Variants in PRORP observed in about 807,000 individuals in gnomAD.
PRORP encodes mitochondrial ribonuclease P catalytic subunit.
In PRORP, 51 loss-of-function variants were observed where a neutral mutation model predicts 59.4. The ratio of observed to expected loss-of-function variants is 0.86; its 90% confidence interval spans 0.69 to 1.08. PRORP has a LOEUF of 1.08. Ranked by LOEUF, PRORP falls within the 50% of genes least tolerant of loss-of-function variation. PRORP has a pLI of 0.00. For missense variants in PRORP, 646 were observed against 690.3 expected, an observed-to-expected ratio of 0.94 and a Z score of 0.72; for synonymous variants, 231 against 245.6, an observed-to-expected ratio of 0.94 and a Z score of 0.55.
At chr14:35,208,161 A>C (rs1452559078) in intron 5 of PRORP, among the ~76,000 whole-genome samples, 1 of 152,132 alleles carries the variant, frequency 6.6e-6, no homozygotes, top group Non-Finnish European at 1.5e-5. Flanking sequence ...AAAAAAAAAA[A>C]AGACTATAGT....
chr14:35,243,957 C>T (rs1021079482), intron 5 of PRORP, among the ~76,000 whole-genome samples: 5 of 152,072 alleles, frequency 3.3e-5, no homozygotes, highest in Non-Finnish European at 7.4e-5. Context: ...AATTTATATA[C>T]CTGAAAAAAA....
chr14:35,248,134 C>G (rs144800273), intron 5 of PRORP, among the ~76,000 whole-genome samples: 249 of 152,258 alleles, frequency 1.6e-3, no homozygotes, highest in Admixed American at 2.2e-3. Flanking sequence ...CCCTAAAATA[C>G]CAAAGACTGA....
intron 5 of PRORP, among the ~76,000 whole-genome samples, chr14:35,184,154 C>T (rs1013543542): frequency 5.1e-5 from 7 of 136,506 alleles, no homozygotes; most frequent in African/African-American, 1.8e-4. Flanking sequence ...TCTGTAAGTT[C>T]ATTAATGAGA....
chr14:35,262,735 G>A (rs1405807896), intron 5 of PRORP: 2 of 911,418 alleles, frequency 2.2e-6, no homozygotes, highest in East Asian at 4.8e-5. Context: ...TACAGGATGA[G>A]GTCTGTGTAT....
intron 5 of PRORP, among the ~76,000 whole-genome samples, chr14:35,237,062 C>T (rs146936726): frequency 7.1e-6 from 1 of 141,746 alleles, no homozygotes; most frequent in East Asian, 2.0e-4. Context: ...CCTTCCCTTC[C>T]TTCCTTTCCT....
At chr14:35,269,931 A>G (rs550360927) in intron 6 of PRORP, among the ~76,000 whole-genome samples, 1 of 152,200 alleles carries the variant, frequency 6.6e-6, no homozygotes, top group Non-Finnish European at 1.5e-5. Flanking sequence ...ACTGTCTAGA[A>G]GCTGCTCTGA....
intron 5 of PRORP, among the ~76,000 whole-genome samples, chr14:35,197,148 A>G (rs2049028642): frequency 6.6e-6 from 1 of 152,224 alleles, no homozygotes; most frequent in South Asian, 2.1e-4. Context: ...CCTAATAGCA[A>G]GTTGATTTCC....
chr14:35,186,088 C>T (rs1257242308), intron 5 of PRORP, among the ~76,000 whole-genome samples: 2 of 151,756 alleles, frequency 1.3e-5, no homozygotes, highest in Admixed American at 6.6e-5. Context: ...GCTCAAGACA[C>T]CCCCCAACCT....
chr14:35,125,798 G>T (rs902199922), intron 2 of PRORP, among the ~76,000 whole-genome samples: 1 of 152,172 alleles, frequency 6.6e-6, no homozygotes, highest in African/African-American at 2.4e-5. Flanking sequence ...GAGGTGGGAG[G>T]ATAGCTTGAG....
intron 5 of PRORP, among the ~76,000 whole-genome samples, chr14:35,208,383 C>T (rs74695182): frequency 1.6e-4 from 24 of 152,054 alleles, no homozygotes; most frequent in East Asian, 1.5e-3. Flanking sequence ...CAAGGCCTGA[C>T]GGGGCAGACT....
At chr14:35,143,934 C>G (rs1157285261) in intron 4 of PRORP, 1 of 145,502 alleles carries the variant, frequency 6.9e-6, no homozygotes, top group African/African-American at 2.4e-5. Flanking sequence ...AGGCGTGAGT[C>G]ACCGCGCCCG....
chr14:35,128,364 A>G (rs1158663461), intron 4 of PRORP, among the ~76,000 whole-genome samples: 2 of 150,276 alleles, frequency 1.3e-5, no homozygotes, highest in Non-Finnish European at 3.0e-5. Context: ...TCATGGAATG[A>G]GTTTGGAAGT....
chr14:35,155,777 C>T (rs748328368), intron 4 of PRORP, among the ~76,000 whole-genome samples: 6 of 151,766 alleles, frequency 4.0e-5, no homozygotes, highest in Non-Finnish European at 5.9e-5. Flanking sequence ...ATAAACAGTT[C>T]AGAAATACCA....
At chr14:35,231,669 C>G (rs2050085350) in intron 5 of PRORP, among the ~76,000 whole-genome samples, 1 of 152,110 alleles carries the variant, frequency 6.6e-6, no homozygotes, top group Non-Finnish European at 1.5e-5. Flanking sequence ...GGCGCCAACT[C>G]TCTTGAAATA....
chr14:35,231,787 G>A (rs906423932), intron 5 of PRORP, among the ~76,000 whole-genome samples: 10 of 152,184 alleles, frequency 6.6e-5, no homozygotes, highest in Non-Finnish European at 1.5e-4. Context: ...TATGGATCAC[G>A]TAAAGATGAT....
intron 5 of PRORP, among the ~76,000 whole-genome samples, chr14:35,228,338 G>A (rs76948328): frequency 0.11 from 16,458 of 152,158 alleles, 1,027 homozygotes; most frequent in African/African-American, 0.17. Flanking sequence ...GGGGCTACAT[G>A]TACAGATTTG....
intron 4 of PRORP, among the ~76,000 whole-genome samples, chr14:35,134,563 A>T (rs1388006943): frequency 6.6e-6 from 1 of 152,050 alleles, no homozygotes; most frequent in African/African-American, 2.4e-5. Flanking sequence ...TCTGGCTCAG[A>T]GTGTGTCTAG....
intron 5 of PRORP, among the ~76,000 whole-genome samples, chr14:35,230,202 G>C (rs115900326): frequency 3.3e-5 from 5 of 151,874 alleles, no homozygotes; most frequent in Non-Finnish European, 5.9e-5. Context: ...ACAGGTATGC[G>C]CCATAACTCC....
In PRORP at chr14:35,123,295, G is replaced by T. The variant is rs1209267262; in HGVS notation, c.50G>T (p.Ser17Ile). ...GIRSFPKLWKSPYLGLGPGHS... is the reference protein window; with the variant it reads ...GIRSFPKLWKIPYLGLGPGHS... ...CGAAGCTTTCCGAAGCTTTGGAAGA[G>T]CCCATACCTTGGGCTAGGCCCAGGG... is the stretch of plus-strand genomic sequence containing the variant. The change falls in exon 2 of 8, where the codon AGC (serine) becomes ATC (isoleucine). Residue 17 changes from serine to isoleucine, a missense_variant. Coordinates refer to ENST00000534898, the MANE Select transcript of PRORP (RefSeq NM_014672.4). The T allele has an allele frequency of 6.2e-7, 1 of 1,613,624 alleles. No individual in the cohort carries two copies. Among genetic ancestry groups the T allele is most frequent in the Non-Finnish European group, 8.5e-7 (1 of 1,180,010 alleles).
Sources: gnomAD v4.1 joint callset for allele counts (sites outside exome capture counted in the v4.1 genomes callset) on GRCh38, gnomAD v4.1.1 for gene constraint, MANE v1.5 for transcripts, NCBI Gene and HGNC (gene_info 2026-07-23, HGNC 2026-07-21) for gene names.